Variants in SLIT3 observed in about 807,000 individuals in gnomAD.
The protein encoded by SLIT3 is slit guidance ligand 3.
A neutral mutation model predicts 184.0 loss-of-function variants in SLIT3; 68 were observed. The ratio of observed to expected loss-of-function variants is 0.37; its 90% CI spans 0.30 to 0.45. SLIT3 has a LOEUF of 0.45. SLIT3 is among the 20% of genes least tolerant of loss of function. SLIT3 has a pLI of 1.00. For missense variants in SLIT3, 1,707 were observed against 2,026.0 expected (o/e 0.84, Z 3.02); for synonymous variants, 831 against 828.6 (o/e 1.00, Z -0.05).
chr5:168,839,461 C>T lies in SLIT3; in HGVS notation c.557+5123G>A, dbSNP rs569505822. Reference sequence around the variant, plus strand: ...ACAGCTGACTGCAATGCAGAAATGCCGGCCCACAGTTGCCAGTGCTTCTAG... The same window carrying T: ...ACAGCTGACTGCAATGCAGAAATGCTGGCCCACAGTTGCCAGTGCTTCTAG... On this transcript the variant is annotated intron_variant, in intron 6 of 35. Coordinates refer to ENST00000519560, the MANE Select transcript of SLIT3 (RefSeq NM_003062.4). Among the ~76,000 whole-genome samples, 338 of 152,318 alleles carry T rather than the reference C, an allele frequency of 2.2e-3. 2 individuals carry two copies. Among genetic ancestry groups the T allele is most frequent in the Middle Eastern group, 3.4e-3 (1 of 294 alleles).
chr5:168,869,292 T>G (rs573023039), intron 5 of SLIT3, among the ~76,000 whole-genome samples: 1 of 152,332 alleles, frequency 6.6e-6, no homozygotes, highest in African/African-American at 2.4e-5. Context: ...AGGTTCTAGA[T>G]GTAAACTGAG....
intron 6 of SLIT3, among the ~76,000 whole-genome samples, chr5:168,838,286 A>C (rs539802550): frequency 6.6e-6 from 1 of 152,296 alleles, no homozygotes; most frequent in African/African-American, 2.4e-5. Flanking sequence ...TTTTCTAAGC[A>C]TCAGTTTCCT....
At chr5:168,758,483 G>A (rs1755029190) in intron 16 of SLIT3, among the ~76,000 whole-genome samples, 1 of 152,184 alleles carries the variant, frequency 6.6e-6, no homozygotes, top group African/African-American at 2.4e-5. Flanking sequence ...ACATTTCTCT[G>A]GTTTGAAATA....
chr5:168,837,609 T>C (rs1298056638), intron 6 of SLIT3, among the ~76,000 whole-genome samples: 1 of 152,236 alleles, frequency 6.6e-6, no homozygotes, highest in Non-Finnish European at 1.5e-5. Context: ...ACTGGTGTTG[T>C]GGGCTTCAAT....
intron 4 of SLIT3, among the ~76,000 whole-genome samples, chr5:168,921,202 T>A (rs1274841174): frequency 1.3e-5 from 2 of 152,226 alleles, no homozygotes; most frequent in Admixed American, 6.5e-5. Context: ...AAAATAGCTC[T>A]CCTTTCCTTG....
intron 4 of SLIT3, among the ~76,000 whole-genome samples, chr5:169,044,208 C>T (rs1757544141): frequency 1.3e-5 from 2 of 152,100 alleles, no homozygotes; most frequent in African/African-American, 4.8e-5. Context: ...AATGGCGTGG[C>T]CATTGTGGAA....
chr5:169,179,440 C>A (rs958682294), intron 4 of SLIT3, among the ~76,000 whole-genome samples: 2 of 152,154 alleles, frequency 1.3e-5, no homozygotes, highest in Non-Finnish European at 2.9e-5. Context: ...ATGAAGCCAA[C>A]ACAGCTTATC....
At chr5:168,755,124 G>C (rs1421587327) in intron 16 of SLIT3, among the ~76,000 whole-genome samples, 1 of 152,166 alleles carries the variant, frequency 6.6e-6, no homozygotes, top group Admixed American at 6.5e-5. Context: ...ATGGCTGTCG[G>C]ACTCATTTAT....
chr5:169,244,221 G>A lies in SLIT3; in HGVS notation c.341+484C>T, dbSNP rs191136709. ...GCTCACTCACAGGAGATACAAGCGC[G>A]CTGAAGGCTGCGCCCACTCACCAGT... On this transcript the variant is annotated intron_variant, in intron 3 of 35. Coordinates refer to ENST00000519560, the MANE Select transcript of SLIT3 (RefSeq NM_003062.4). Among the ~76,000 whole-genome samples, 83 of 152,362 alleles carry A rather than the reference G, an allele frequency of 5.4e-4. 1 individual carries two copies. The East Asian group carries it at 0.014, about 26-fold the overall frequency.
chr5:168,745,329 C>T (rs902154012), intron 20 of SLIT3, among the ~76,000 whole-genome samples: 3 of 152,016 alleles, frequency 2.0e-5, no homozygotes, highest in South Asian at 2.1e-4. Flanking sequence ...ATGCTGTGAA[C>T]GTTGTTGAAA....
chr5:169,065,105 T>C (rs548061413), intron 4 of SLIT3, among the ~76,000 whole-genome samples: 1 of 152,330 alleles, frequency 6.6e-6, no homozygotes, highest in Admixed American at 6.5e-5. Context: ...TCATATGTCA[T>C]ATTAGTGGAA....
At chr5:168,786,530 G>A (rs745773352) in intron 11 of SLIT3, among the ~76,000 whole-genome samples, 1 of 152,212 alleles carries the variant, frequency 6.6e-6, no homozygotes, top group Non-Finnish European at 1.5e-5. Flanking sequence ...AAACCAGGGA[G>A]CTTTGCTGTC....
At chr5:169,261,842 G>A (rs189776150) in intron 1 of SLIT3, among the ~76,000 whole-genome samples, 68 of 152,266 alleles carry the variant, frequency 4.5e-4, no homozygotes, top group Admixed American at 1.2e-3. Flanking sequence ...TACATGGGAC[G>A]GCAATGCCCG....
chr5:169,038,501 A>G (rs1050689043), intron 4 of SLIT3, among the ~76,000 whole-genome samples: 1 of 152,196 alleles, frequency 6.6e-6, no homozygotes, highest in African/African-American at 2.4e-5. Context: ...GGTTTTTAAA[A>G]AAGTGCATTA....
chr5:169,032,739 C>G (rs1365719120), intron 4 of SLIT3, among the ~76,000 whole-genome samples: 5 of 151,334 alleles, frequency 3.3e-5, no homozygotes, highest in Non-Finnish European at 7.4e-5. Context: ...AACAGGACCT[C>G]ATATAACACT....
At chr5:169,230,836 A>G (rs944791449) in intron 3 of SLIT3, among the ~76,000 whole-genome samples, 2 of 141,462 alleles carry the variant, frequency 1.4e-5, no homozygotes, top group African/African-American at 4.9e-5. Context: ...CTGCCAAAAT[A>G]AAACTTTTTT....
intron 1 of SLIT3, among the ~76,000 whole-genome samples, chr5:169,298,461 G>A (rs1767581890): frequency 6.6e-6 from 1 of 152,174 alleles, no homozygotes; most frequent in Admixed American, 6.5e-5. Flanking sequence ...CAGGAGGAGA[G>A]GGACTTACTC....
rs1762725357 is a variant in SLIT3 at position 168,716,205 on chromosome 5, GACCTTGGGATCTGCCC to G, written c.2484-3867_2484-3852del. 2.0e-5 allele frequency among the ~76,000 whole-genome samples: 3 copies of G among 152,098 alleles called. No individual in the cohort carries two copies. The South Asian group carries it at 6.2e-4, about 32-fold the overall frequency. ...TTGGCCAGGATAGTCTCGATCTCTT[GACCTTGGGATCTGCCC>G]ACCTCAGCCTCCCAAAGTGCTGGGA... On this transcript the variant is annotated intron_variant, in intron 23 of 35. Coordinates refer to ENST00000519560, the MANE Select transcript of SLIT3 (RefSeq NM_003062.4).
At chr5:168,823,370 A>ATCTTGGTGCCTCCCCTGCTGCT in intron 6 of SLIT3, 39 bp from the exon 7 acceptor site, 1 of 1,482,830 alleles carries the variant, frequency 6.7e-7, no homozygotes, top group Non-Finnish European at 9.4e-7. Context: ...GCCAGGCAGC[A>ATCTTGGTGCCTCCCCTGCTGCT]GCAGGGGAGG....
Sources: gnomAD v4.1 joint callset for allele counts (sites outside exome capture counted in the v4.1 genomes callset) on GRCh38, gnomAD v4.1.1 for gene constraint, MANE v1.5 for transcripts, NCBI Gene and HGNC (gene_info 2026-07-23, HGNC 2026-07-21) for gene names.